FLYWCH1: variants seen among roughly 807,000 people sequenced by gnomAD.
FLYWCH1 encodes FLYWCH-type zinc finger-containing protein 1.
Under a neutral mutation model 66.4 loss-of-function variants are expected in FLYWCH1, and 75 were observed. The observed-to-expected ratio is 1.13, with a 90% CI of 0.94 to 1.37. The LOEUF (loss-of-function observed/expected upper bound fraction) is 1.37. FLYWCH1 is among the 40% of genes most tolerant of loss of function. FLYWCH1 has a pLI of 0.00. For synonymous variants in FLYWCH1, 595 were observed against 429.9 expected (o/e 1.38, Z -4.75); for missense variants, 1,334 against 1,001.8 (o/e 1.33, Z -4.48).
chr16:2,950,824 G>C lies in FLYWCH1; in HGVS notation c.*2097G>C, dbSNP rs1389244583. The C allele has an allele frequency of 1.3e-5, 2 of 152,320 alleles. No homozygotes were observed. Among genetic ancestry groups the C allele is most frequent in the African/African-American group, 4.8e-5 (2 of 41,482 alleles). 9.4% of individuals were successfully genotyped at this position (152,320 alleles called of 1,614,324 possible). ...TGGGCTGAGATTCTCCAATGGACGTGAATTTAGATGATGCTGTTGCCTTGG... is the reference window on the plus strand; with the variant it reads ...TGGGCTGAGATTCTCCAATGGACGTCAATTTAGATGATGCTGTTGCCTTGG... On this transcript the variant is annotated 3_prime_UTR_variant, in exon 10 of 10. Coordinates refer to ENST00000253928, the MANE Select transcript of FLYWCH1 (RefSeq NM_001308068.2).
At chr16:2,942,201 G>T (rs981318072) in intron 9 of FLYWCH1, among the ~76,000 whole-genome samples, 2 of 151,988 alleles carry the variant, frequency 1.3e-5, no homozygotes, top group Non-Finnish European at 2.9e-5. Context: ...CCTCATTCTG[G>T]CAGAGTCTCA....
At chr16:2,943,684 C>G (rs566964255) in intron 9 of FLYWCH1, 1 of 152,294 alleles carries the variant, frequency 6.6e-6, no homozygotes, top group South Asian at 2.1e-4. Context: ...GCCTGTAATC[C>G]CAGTACTTTG....
At chr16:2,916,413 AT>A (rs1300630535) in intron 2 of FLYWCH1, among the ~76,000 whole-genome samples, 1 of 152,104 alleles carries the variant, frequency 6.6e-6, no homozygotes, top group Non-Finnish European at 1.5e-5. Flanking sequence ...AGGCAGGCGG[AT>A]CACGAAGTCA....
chr16:2,935,338 G>C (rs74005530), intron 6 of FLYWCH1: 5,628 of 152,504 alleles, frequency 0.037, 356 homozygotes, highest in African/African-American at 0.13. Flanking sequence ...TGCTGCGTTT[G>C]TTTGCCTGCT....
intron 6 of FLYWCH1, chr16:2,936,548 C>T: frequency 2.2e-6 from 1 of 455,804 alleles, no homozygotes. Flanking sequence ...GCCACCTCCC[C>T]ACCTCTGTGG....
At chr16:2,936,457 C>T (rs1323077240) in intron 6 of FLYWCH1, 11 of 447,492 alleles carry the variant, frequency 2.5e-5, no homozygotes, top group Non-Finnish European at 4.9e-5. Flanking sequence ...CTCCCGCCCC[C>T]CGCTGGCCTC....
At chr16:2,935,545 T>G (rs960760325) in intron 6 of FLYWCH1, 1 of 152,200 alleles carries the variant, frequency 6.6e-6, no homozygotes, top group African/African-American at 2.4e-5. Flanking sequence ...GGAGAAGTCC[T>G]GCCTCCCGTC....
chr16:2,928,728 A>G, intron 2 of FLYWCH1: 1 of 152,468 alleles, frequency 6.6e-6, no homozygotes, highest in Non-Finnish European at 1.5e-5. Context: ...CCACACAAAA[A>G]GCCCCACCCC....
At chr16:2,925,976 C>A (rs953746837) in intron 2 of FLYWCH1, among the ~76,000 whole-genome samples, 2 of 152,184 alleles carry the variant, frequency 1.3e-5, no homozygotes, top group Admixed American at 6.5e-5. Flanking sequence ...ATGTCAGGGA[C>A]TGCAGTCTCG....
rs1054704223 is a variant in FLYWCH1, at chr16:2,933,286, C to A, written c.953C>A (p.Thr318Asn). The change falls in exon 5 of 10, where the codon ACC (threonine) becomes AAC (asparagine). Residue 318 changes from threonine (T) to asparagine (N), a missense_variant. Transcript: ENST00000253928. ...CACGGCTGCCGGAGCCGGGCCATCA[C>A]CCAGGGACAGCGGGTGACTGTGATG... ...ALHGCRSRAI[T>N]QGQRVTVMRG... The A allele has an allele frequency of 1.6e-5, 26 of 1,612,510 alleles. No homozygotes were observed. The highest frequency in any genetic ancestry group is 2.0e-5 in the Non-Finnish European group (24 of 1,179,588).
intron 9 of FLYWCH1, among the ~76,000 whole-genome samples, chr16:2,940,845 TTGGGAGG>T (rs2071231147): frequency 3.5e-5 from 1 of 28,800 alleles, no homozygotes; most frequent in East Asian, 8.1e-4. Context: ...TTCCAGCACT[TTGGGAGG>T]CCAAGGCAGG....
At chr16:2,936,552 T>G in intron 6 of FLYWCH1, 1 of 443,706 alleles carries the variant, frequency 2.3e-6, no homozygotes, top group Non-Finnish European at 4.5e-6. Context: ...CCTCCCCACC[T>G]CTGTGGCCCC....
At chr16:2,940,946 C>T (rs1411009153) in intron 9 of FLYWCH1, among the ~76,000 whole-genome samples, 1 of 152,014 alleles carries the variant, frequency 6.6e-6, no homozygotes, top group Non-Finnish European at 1.5e-5. Context: ...GCCTGGCCAA[C>T]ATGGTGAAAC....
chr16:2,925,577 G>GGC (rs1408360792), intron 2 of FLYWCH1, among the ~76,000 whole-genome samples: 5 of 134,916 alleles, frequency 3.7e-5, no homozygotes, highest in East Asian at 4.7e-4. Context: ...GGAGTTGCGG[G>GGC]GGGAGGGGGG....
intron 6 of FLYWCH1, among the ~76,000 whole-genome samples, chr16:2,934,347 G>A (rs1243853120): frequency 6.6e-6 from 1 of 152,208 alleles, no homozygotes; most frequent in Non-Finnish European, 1.5e-5. Flanking sequence ...TAACGTCTGA[G>A]TGGTTAAGGA....
At chr16:2,934,919 C>CT (rs59963690) in intron 6 of FLYWCH1, 24,734 of 144,500 alleles carry the variant, frequency 0.17, 2,413 homozygotes, top group African/African-American at 0.24. Flanking sequence ...CTTGCACAGG[C>CT]TTTTTTTTTT....
chr16:2,936,686 C>A (rs565149333), intron 6 of FLYWCH1: 1 of 463,514 alleles, frequency 2.2e-6, no homozygotes, highest in African/African-American at 2.0e-5. Flanking sequence ...CCTGGGGTCA[C>A]ACCTCTACCT....
At chr16:2,940,393 A>C (rs1195554185) in intron 9 of FLYWCH1, among the ~76,000 whole-genome samples, 3 of 152,232 alleles carry the variant, frequency 2.0e-5, no homozygotes, top group Non-Finnish European at 4.4e-5. Context: ...TGCCAGCAGC[A>C]GAATTCAGGT....
chr16:2,939,556 T>G (rs1312702313), intron 8 of FLYWCH1, among the ~76,000 whole-genome samples: 1 of 143,788 alleles, frequency 7.0e-6, no homozygotes, highest in Non-Finnish European at 1.6e-5. Context: ...AAAAAAAAAG[T>G]TTATAAATCA....
Sources: allele counts gnomAD v4.1 joint callset (sites outside exome capture counted in the v4.1 genomes callset), GRCh38; gene constraint gnomAD v4.1.1; transcripts MANE v1.5; gene names NCBI Gene and HGNC (gene_info 2026-07-23, HGNC 2026-07-21).